BRF1: variants seen among roughly 807,000 people sequenced by gnomAD.
BRF1 encodes transcription factor IIIB 90 kDa subunit.
Under a neutral mutation model 81.7 loss-of-function variants are expected in BRF1, and 59 were observed. The ratio of observed to expected loss-of-function variants is 0.72; its 90% CI spans 0.59 to 0.90. The LOEUF (loss-of-function observed/expected upper bound fraction) is 0.90, where lower values mean the gene tolerates loss of function less well. Ranked by LOEUF, BRF1 falls within the 40% of genes least tolerant of loss-of-function variation. BRF1 has a pLI of 0.00. For synonymous variants in BRF1, 491 were observed against 395.6 expected (o/e 1.24, Z -2.86); for missense variants, 1,050 against 936.3 (o/e 1.12, Z -1.58).
At chr14:105,278,119 G>A (rs1011958421) in intron 2 of BRF1, among the ~76,000 whole-genome samples, 7 of 152,126 alleles carry the variant, frequency 4.6e-5, no homozygotes, top group African/African-American at 7.2e-5. Context: ...CATAGCCTGC[G>A]AGTCTCCTTA....
In BRF1 at chr14:105,210,044, C is replaced by T. The variant is rs587625087; in HGVS notation, c.*507G>A. ...TCAAGTGCCAGATCCTCAGCTCCCA[C>T]GGCTGCGCCGGACACCTGCAGGGCT... is the stretch of plus-strand genomic sequence containing the variant. On this transcript the variant is annotated 3_prime_UTR_variant, in exon 18 of 18. Transcript: ENST00000547530. The surrounding 1 kb of genome is among the most constrained non-coding windows in gnomAD (Gnocchi z 4.7). 3 of 221,778 alleles carry T rather than the reference C, an allele frequency of 1.4e-5. No individual in the cohort carries two copies. The highest frequency in any genetic ancestry group is 1.1e-4 in the South Asian group (1 of 9,468). 13.7% of individuals were successfully genotyped at this position (221,778 alleles called of 1,614,324 possible).
At position 105,278,232 on chromosome 14, in the gene BRF1, C is replaced by G. The variant is rs587647346; in HGVS notation, c.266-5338G>C. On this transcript the variant is annotated intron_variant, in intron 2 of 17. Transcript: ENST00000547530. ...CTTCGGGAGGCTGAAGCAGGTAGAT[C>G]ACTTGAGCCCAGAAGTTCAAGACCA... is the stretch of plus-strand genomic sequence containing the variant. Among the ~76,000 whole-genome samples the G allele has an allele frequency of 5.9e-5, 9 of 152,172 alleles. No individual in the cohort carries two copies. The South Asian group carries it at 1.9e-3, about 32-fold the overall frequency.
chr14:105,283,434 C>CAT (rs2057192599), intron 2 of BRF1, among the ~76,000 whole-genome samples: 1 of 152,172 alleles, frequency 6.6e-6, no homozygotes, highest in Non-Finnish European at 1.5e-5. Context: ...CAGAACCACC[C>CAT]ATCCCCAGTA....
At position 105,227,071 on chromosome 14, in the gene BRF1, G is replaced by C. The variant is rs959607843; in HGVS notation, c.789-311C>G. The C allele has an allele frequency of 2.2e-5, 7 of 321,654 alleles. No homozygotes were observed. The South Asian group carries it at 2.3e-4, about 10-fold the overall frequency. 19.9% of individuals were successfully genotyped at this position (321,654 alleles called of 1,614,324 possible). ...GTTGAGGCTGTAACGAGCTGTGATA[G>C]CGCCACTGGCCTCCAGCCTGGGCAG... is the stretch of plus-strand genomic sequence containing the variant. On this transcript the variant is annotated intron_variant, in intron 7 of 17. Transcript: ENST00000547530.
chr14:105,211,802 G>A, intron 16 of BRF1: 5 of 477,812 alleles, frequency 1.0e-5, no homozygotes, highest in South Asian at 4.5e-5. Flanking sequence ...CCTGTGACCT[G>A]GCAGTGCCTG....
At chr14:105,286,459 T>C (rs2057320242) in intron 1 of BRF1, 83 bp from the exon 2 acceptor site, 4 of 1,420,480 alleles carry the variant, frequency 2.8e-6, no homozygotes, top group Admixed American at 2.0e-5. Context: ...AGACACAAAG[T>C]GAGAACAAAG....
At chr14:105,219,900 G>A in intron 12 of BRF1, 169 bp downstream of exon 12, 1 of 718,636 alleles carries the variant, frequency 1.4e-6, no homozygotes, top group Non-Finnish European at 2.3e-6. Context: ...AGAAGAGAGT[G>A]TGGGGGGGGG....
chr14:105,273,656 C>G (rs2140413282), intron 2 of BRF1, among the ~76,000 whole-genome samples: 1 of 152,284 alleles, frequency 6.6e-6, no homozygotes, highest in South Asian at 2.1e-4. Context: ...ATCAAGGTTT[C>G]AGGGATCTAG....
intron 4 of BRF1, among the ~76,000 whole-genome samples, chr14:105,255,633 C>A (rs749028127): frequency 3.9e-5 from 6 of 152,190 alleles, no homozygotes; most frequent in Non-Finnish European, 8.8e-5. Flanking sequence ...TGTGGTGCAG[C>A]CCCCAGCACC....
In BRF1 at chr14:105,308,879, C is replaced by T. The variant is rs587634136; in HGVS notation, c.-162+6443G>A. Among the ~76,000 whole-genome samples the T allele has an allele frequency of 5.9e-5, 9 of 151,870 alleles. 1 individual carries two copies. Among genetic ancestry groups the T allele is most frequent in the Admixed American group, 1.3e-4 (2 of 15,252 alleles). ...ATCCCAGCACTTTGAGAGGCTGAGG[C>T]AGGAGGATGGTTTGAGTCCAGGAGA... is the stretch of plus-strand genomic sequence containing the variant. On this transcript the variant is annotated intron_variant, in intron 1 of 17. Transcript: ENST00000327359.
chr14:105,219,108 G>A, intron 13 of BRF1, 43 bp downstream of exon 13: 1 of 1,613,980 alleles, frequency 6.2e-7, no homozygotes, highest in Non-Finnish European at 8.5e-7. Context: ...CCAGGCCTGG[G>A]GACTGTGCGT....
intron 5 of BRF1, among the ~76,000 whole-genome samples, chr14:105,245,218 G>A (rs923234122): frequency 6.6e-6 from 1 of 151,998 alleles, no homozygotes; most frequent in Non-Finnish European, 1.5e-5. Context: ...AAAATTAGCC[G>A]GGCATGGTGG....
At chr14:105,296,247 G>A (rs1471198066) in intron 1 of BRF1, among the ~76,000 whole-genome samples, 3 of 151,952 alleles carry the variant, frequency 2.0e-5, no homozygotes, top group Non-Finnish European at 4.4e-5. Flanking sequence ...AACTGCGGCC[G>A]GGTGCAACAG....
At chr14:105,256,623 C>A in intron 3 of BRF1, 74 bp from the exon 4 acceptor site, 1 of 1,580,658 alleles carries the variant, frequency 6.3e-7, no homozygotes, top group South Asian at 1.2e-5. Flanking sequence ...ATGGGCAGGA[C>A]CGCAGGACTG....
At position 105,272,844 on chromosome 14, in the gene BRF1, A is replaced by G. The variant is rs1361328065; in HGVS notation, c.316T>C (p.Cys106Arg). Residue 106 changes from cysteine to arginine, a missense_variant, in exon 3 of 18, where the codon TGC becomes CGC. Coordinates refer to ENST00000547530, the MANE Select transcript of BRF1 (RefSeq NM_001519.4). ...AAGAAGTTGAAGGCGGTGTCCAGGC[A>G]GTGCTGGTTCAGCTGCAGCTGGTTC... ...LGNQLQLNQH[C>R]LDTAFNFFKM... 3.7e-6 allele frequency: 6 copies of G among 1,613,908 alleles called. No homozygotes were observed. The highest frequency in any genetic ancestry group is 1.3e-5 in the African/African-American group (1 of 74,932).
upstream of BRF1, among the ~76,000 whole-genome samples, chr14:105,304,391 G>A (rs2058119701): frequency 6.6e-6 from 1 of 152,210 alleles, no homozygotes; most frequent in South Asian, 2.1e-4. Context: ...GGGAGGCTGA[G>A]GCAGGAGAAT....
At chr14:105,226,023 A>G in intron 10 of BRF1, 46 bp downstream of exon 10, 1 of 1,523,632 alleles carries the variant, frequency 6.6e-7, no homozygotes, top group Non-Finnish European at 9.0e-7. Context: ...CTGAGACTCT[A>G]GCACATTTTA....
intron 7 of BRF1, chr14:105,228,376 C>T (rs953306515): frequency 1.3e-5 from 2 of 157,480 alleles, no homozygotes; most frequent in African/African-American, 4.8e-5. Flanking sequence ...CATGGTGAGA[C>T]CCCATCTCTA....
chr14:105,247,483 A>T (rs587710285), intron 5 of BRF1: 348 of 985,142 alleles, frequency 3.5e-4, no homozygotes, highest in Non-Finnish European at 4.1e-4. Context: ...TTCCTTCCTG[A>T]CTTGTAGTTG....
Sources: gnomAD v4.1 joint callset for allele counts (sites outside exome capture counted in the v4.1 genomes callset) on GRCh38, gnomAD v4.1.1 for gene constraint, Gnocchi (gnomAD v3.1) non-coding constraint, MANE v1.5 for transcripts, NCBI Gene and HGNC (gene_info 2026-07-23, HGNC 2026-07-21) for gene names.